LPA: variants seen among roughly 807,000 people sequenced by gnomAD.
LPA encodes the protein lipoprotein(a).
Under a neutral mutation model 197.9 loss-of-function variants are expected in LPA, and 199 were observed. The ratio of observed to expected loss-of-function variants is 1.01; its 90% CI spans 0.90 to 1.13. LPA has a LOEUF of 1.13. LPA is among the 50% of genes most tolerant of loss of function. The pLI is 0.00. For missense variants in LPA, 1,853 were observed against 1,785.8 expected (o/e 1.04, Z -0.68); for synonymous variants, 715 against 639.5 (o/e 1.12, Z -1.78).
intron 34 of LPA, 121 bp downstream of exon 34, chr6:160,542,567 C>T: frequency 1.4e-6 from 2 of 1,458,690 alleles, no homozygotes; most frequent in South Asian, 1.4e-5. Context: ...TTTTTTCCTC[C>T]TTCAGAAAAC....
chr6:160,544,582 C>T (rs1778033759), intron 33 of LPA, among the ~76,000 whole-genome samples: 1 of 152,142 alleles, frequency 6.6e-6, no homozygotes, highest in Non-Finnish European at 1.5e-5. Context: ...CAGGCAATCT[C>T]AGGATGCTGG....
chr6:160,553,954 T>TGTGTGTGTGTGTGTGTGTGTGTGC (rs771903485), intron 30 of LPA, among the ~76,000 whole-genome samples: 5,755 of 130,432 alleles, frequency 0.044, 178 homozygotes, highest in Non-Finnish European at 0.066. Context: ...TGTGTGTGTG[T>TGTGTGTGTGTGTGTGTGTGTGTGC]GCGCGCGCGC....
At chr6:160,592,655 T>C (rs537722813) in intron 22 of LPA, among the ~76,000 whole-genome samples, 5 of 152,344 alleles carry the variant, frequency 3.3e-5, no homozygotes, top group East Asian at 3.9e-4. Context: ...CTTGTATTCG[T>C]TCCTTACCTC....
At chr6:160,658,840 C>T (rs532815246) in intron 1 of LPA, among the ~76,000 whole-genome samples, 1 of 140,252 alleles carries the variant, frequency 7.1e-6, no homozygotes, top group Non-Finnish European at 1.5e-5. Flanking sequence ...CTGTATTAGT[C>T]GGGGTTCTCT....
At chr6:160,602,914 A>T (rs1274616897) in intron 18 of LPA, among the ~76,000 whole-genome samples, 1 of 150,770 alleles carries the variant, frequency 6.6e-6, no homozygotes, top group Non-Finnish European at 1.5e-5. Context: ...TTTTTCCTCC[A>T]GTTTCTCATG....
chr6:160,606,297 G>A (rs1254873924), intron 17 of LPA, among the ~76,000 whole-genome samples, 180 bp downstream of exon 17: 1 of 152,154 alleles, frequency 6.6e-6, no homozygotes, highest in East Asian at 1.9e-4. Flanking sequence ...ACCCAACGTT[G>A]TACCAGAAAT....
intron 33 of LPA, 53 bp from the exon 34 acceptor site, chr6:160,542,861 T>C: frequency 6.2e-7 from 1 of 1,612,200 alleles, no homozygotes; most frequent in Non-Finnish European, 8.5e-7. Context: ...TTAGCAATTG[T>C]GTCGTTTAAT....
At chr6:160,580,715 A>G (rs182740087) in intron 26 of LPA, among the ~76,000 whole-genome samples, 81 of 152,306 alleles carry the variant, frequency 5.3e-4, no homozygotes, top group Non-Finnish European at 9.1e-4. Context: ...ATCTTCTCCT[A>G]AGAAATGACT....
At chr6:160,603,233 G>GGTGTGT (rs72482597) in intron 18 of LPA, among the ~76,000 whole-genome samples, 2,428 of 144,818 alleles carry the variant, frequency 0.017, 49 homozygotes, top group African/African-American at 0.055. Context: ...TATTTGTGGA[G>GGTGTGT]GTGTGTGTGT....
At chr6:160,609,801 T>C (rs1374789841) in intron 16 of LPA, among the ~76,000 whole-genome samples, 1 of 151,758 alleles carries the variant, frequency 6.6e-6, no homozygotes, top group Non-Finnish European at 1.5e-5. Flanking sequence ...ACTTGTGAGT[T>C]TTTGCATGTG....
intron 28 of LPA, among the ~76,000 whole-genome samples, 173 bp from the exon 29 acceptor site, chr6:160,557,744 T>C (rs1367370437): frequency 1.3e-5 from 2 of 152,138 alleles, no homozygotes; most frequent in Admixed American, 6.5e-5. Context: ...TAAAGAACCA[T>C]GTAAATTTCC....
chr6:160,655,123 G>A (rs1780110539), intron 1 of LPA, among the ~76,000 whole-genome samples: 1 of 152,212 alleles, frequency 6.6e-6, no homozygotes, highest in South Asian at 2.1e-4. Flanking sequence ...ATGGCTAGAT[G>A]GGTCAGAAAG....
At chr6:160,593,385 C>T (rs564417324) in intron 22 of LPA, among the ~76,000 whole-genome samples, 9 of 152,162 alleles carry the variant, frequency 5.9e-5, no homozygotes, top group Non-Finnish European at 1.3e-4. Context: ...TGTCCATCTT[C>T]CTGCATGTGT....
intron 1 of LPA, among the ~76,000 whole-genome samples, chr6:160,651,299 G>A (rs2983236): frequency 0.6 from 91,082 of 152,024 alleles, 27,608 homozygotes; most frequent in Middle Eastern, 0.68. Context: ...GTTAGATTAT[G>A]TGTATGAAGA....
At chr6:160,550,851 T>C (rs1778156420) in intron 30 of LPA, among the ~76,000 whole-genome samples, 1 of 152,222 alleles carries the variant, frequency 6.6e-6, no homozygotes, top group African/African-American at 2.4e-5. Context: ...TTCCATACTA[T>C]TTGAGAGTAT....
intron 37 of LPA, among the ~76,000 whole-genome samples, chr6:160,533,301 C>G (rs755367688): frequency 7.9e-5 from 12 of 152,150 alleles, no homozygotes; most frequent in African/African-American, 2.4e-5. Flanking sequence ...AAAGAATAGT[C>G]ATCATTTACT....
intron 31 of LPA, 114 bp from the exon 32 acceptor site, chr6:160,548,051 T>C: frequency 1.8e-6 from 2 of 1,087,160 alleles, no homozygotes; most frequent in East Asian, 5.0e-5. Context: ...GACGACAGAA[T>C]CAGGGGCCAC....
intron 20 of LPA, among the ~76,000 whole-genome samples, chr6:160,598,754 T>C (rs750668972): frequency 1.3e-5 from 2 of 152,186 alleles, no homozygotes; most frequent in Non-Finnish European, 2.9e-5. Flanking sequence ...CAAGTGTGTT[T>C]GTACCCATTG....
intron 8 of LPA, among the ~76,000 whole-genome samples, chr6:160,633,219 G>T (rs1779722847): frequency 8.0e-6 from 1 of 124,618 alleles, no homozygotes; most frequent in South Asian, 2.4e-4. Flanking sequence ...TTCCTTCCTT[G>T]GATCTTCTCT....
Sources: allele counts gnomAD v4.1 joint callset (sites outside exome capture counted in the v4.1 genomes callset), GRCh38; gene constraint gnomAD v4.1.1; transcripts MANE v1.5; gene names NCBI Gene and HGNC (gene_info 2026-07-23, HGNC 2026-07-21).